Variants in OXR1 observed in about 807,000 individuals in gnomAD.
OXR1 encodes oxidation resistance protein 1.
Under a neutral mutation model 104.6 loss-of-function variants are expected in OXR1, and 41 were observed. The ratio of observed to expected loss-of-function variants is 0.39; its 90% CI spans 0.31 to 0.51. The LOEUF (loss-of-function observed/expected upper bound fraction) is 0.51. Ranked by LOEUF, OXR1 falls within the 20% of genes least tolerant of loss-of-function variation. The pLI, the probability that OXR1 is intolerant of heterozygous loss-of-function variation, is 0.77. For synonymous variants in OXR1, 348 were observed against 348.4 expected (o/e 1.00, Z 0.01); for missense variants, 955 against 1,031.9 (o/e 0.93, Z 1.02).
At position 106,357,342 on chromosome 8, in the gene OXR1, T is replaced by C. The variant is rs369500896; in HGVS notation, c.-138-2134T>C. Reference sequence around the variant, plus strand: ...TGGAGTTCCTTTGCCTTTACAGATGTAAGTCTATATGCCGTAACAATTTTA... The same window carrying C: ...TGGAGTTCCTTTGCCTTTACAGATGCAAGTCTATATGCCGTAACAATTTTA... On this transcript the variant is annotated intron_variant, in intron 1 of 16. Coordinates refer to ENST00000517566, the MANE Select transcript of OXR1 (RefSeq NM_001198533.2). Among the ~76,000 whole-genome samples, 7 of 152,176 alleles carry C rather than the reference T, an allele frequency of 4.6e-5. No homozygotes were observed. In the East Asian group the frequency reaches 9.6e-4, roughly 21 times the overall value.
chr8:106,657,857 T>A, intron 3 of OXR1: 2 of 1,240,644 alleles, frequency 1.6e-6, no homozygotes, highest in Non-Finnish European at 2.0e-6. Flanking sequence ...CCTCCCCGCC[T>A]CTTGTGAGGC....
chr8:106,611,939 A>C (rs1194449273), intron 3 of OXR1, among the ~76,000 whole-genome samples: 1 of 101,228 alleles, frequency 9.9e-6, no homozygotes, highest in Non-Finnish European at 1.9e-5. Context: ...AACACATAAA[A>C]ACAAAAAAAA....
chr8:106,533,138 AG>A (rs1205768519), intron 3 of OXR1, among the ~76,000 whole-genome samples: 4 of 152,144 alleles, frequency 2.6e-5, no homozygotes, highest in African/African-American at 9.7e-5. Context: ...GCTAGAGTTG[AG>A]CTCTTGGCTG....
chr8:106,684,004 G>A (rs1030315910), intron 5 of OXR1, among the ~76,000 whole-genome samples: 1 of 152,130 alleles, frequency 6.6e-6, no homozygotes, highest in African/African-American at 2.4e-5. Flanking sequence ...CTTTAGGAGT[G>A]ACACCTCTAT....
At chr8:106,739,395 C>A in intron 12 of OXR1, 63 bp from the exon 13 acceptor site, 1 of 1,440,184 alleles carries the variant, frequency 6.9e-7, no homozygotes, top group South Asian at 1.2e-5. Flanking sequence ...TCTGAAAAGT[C>A]TGACAATTTT....
At chr8:106,525,350 C>A (rs761234421) in intron 3 of OXR1, among the ~76,000 whole-genome samples, 1 of 152,160 alleles carries the variant, frequency 6.6e-6, no homozygotes, top group Non-Finnish European at 1.5e-5. Context: ...GTCACAGCTT[C>A]CCCAAATAGC....
intron 3 of OXR1, among the ~76,000 whole-genome samples, chr8:106,618,827 C>A (rs924807783): frequency 1.3e-5 from 2 of 152,046 alleles, no homozygotes; most frequent in South Asian, 2.1e-4. Flanking sequence ...ACGTTACATT[C>A]TCTAGGCTCC....
At chr8:106,379,663 G>A (rs1269420840) in intron 2 of OXR1, among the ~76,000 whole-genome samples, 2 of 149,628 alleles carry the variant, frequency 1.3e-5, no homozygotes, top group East Asian at 4.0e-4. Context: ...TCAGCCTCCC[G>A]AGTAGCTGGG....
At chr8:106,313,737 A>G (rs1296485204) in intron 1 of OXR1, among the ~76,000 whole-genome samples, 1 of 152,122 alleles carries the variant, frequency 6.6e-6, no homozygotes, top group Non-Finnish European at 1.5e-5. Context: ...TAAAAAAAAA[A>G]TTATGGAACT....
chr8:106,303,030 G>C (rs1429924176), intron 1 of OXR1, among the ~76,000 whole-genome samples: 3 of 151,800 alleles, frequency 2.0e-5, no homozygotes, highest in Non-Finnish European at 4.4e-5. Flanking sequence ...TGGGATTACA[G>C]GCGTGAGCCA....
chr8:106,427,751 C>G (rs1819190752), intron 2 of OXR1, among the ~76,000 whole-genome samples: 1 of 152,132 alleles, frequency 6.6e-6, no homozygotes, highest in East Asian at 1.9e-4. Context: ...TGAGAAATGT[C>G]TTAGATGAAA....
chr8:106,735,760 A>AAT, intron 11 of OXR1, among the ~76,000 whole-genome samples: 1 of 152,176 alleles, frequency 6.6e-6, no homozygotes, highest in East Asian at 1.9e-4. Context: ...TTTAGTACCT[A>AAT]ATTTTTCTTT....
intron 2 of OXR1, among the ~76,000 whole-genome samples, chr8:106,503,212 C>A (rs1811924258): frequency 6.6e-6 from 1 of 152,124 alleles, no homozygotes; most frequent in Non-Finnish European, 1.5e-5. Context: ...TTGGCAGTTT[C>A]AACCCTTCCT....
intron 1 of OXR1, among the ~76,000 whole-genome samples, chr8:106,345,251 G>T (rs979381580): frequency 5.3e-5 from 8 of 152,166 alleles, no homozygotes; most frequent in Non-Finnish European, 8.8e-5. Context: ...ATAAGTGAAT[G>T]AATAACATAA....
At chr8:106,718,507 CT>C (rs1832485942) in intron 11 of OXR1, among the ~76,000 whole-genome samples, 1 of 152,172 alleles carries the variant, frequency 6.6e-6, no homozygotes, top group Non-Finnish European at 1.5e-5. Context: ...TGAATTTCCT[CT>C]TTTTGTAGTG....
chr8:106,575,290 G>A (rs1262477864), intron 3 of OXR1, among the ~76,000 whole-genome samples: 5 of 151,980 alleles, frequency 3.3e-5, no homozygotes. Context: ...AATTTTAAAG[G>A]CTCTTAATCT....
At chr8:106,734,298 C>A (rs1036583928) in intron 11 of OXR1, among the ~76,000 whole-genome samples, 15 of 152,142 alleles carry the variant, frequency 9.9e-5, no homozygotes, top group Non-Finnish European at 2.1e-4. Context: ...TATAGTAGAA[C>A]AACGGCTTAT....
chr8:106,508,523 C>A (rs1812317596), intron 2 of OXR1, among the ~76,000 whole-genome samples: 1 of 152,108 alleles, frequency 6.6e-6, no homozygotes, highest in Non-Finnish European at 1.5e-5. Flanking sequence ...GGTAGCTAAT[C>A]CGAATTTCGA....
chr8:106,574,528 G>T (rs1817692137), intron 3 of OXR1, among the ~76,000 whole-genome samples: 2 of 152,248 alleles, frequency 1.3e-5, no homozygotes, highest in Admixed American at 6.5e-5. Flanking sequence ...TAGGAGATAA[G>T]ATCCTTTACT....
Sources: allele counts gnomAD v4.1 joint callset (sites outside exome capture counted in the v4.1 genomes callset), GRCh38; gene constraint gnomAD v4.1.1; transcripts MANE v1.5; gene names NCBI Gene and HGNC (gene_info 2026-07-23, HGNC 2026-07-21).